The following RAD17 variants were observed in gnomAD, a reference collection of about 807,000 sequenced individuals.
The protein encoded by RAD17 is RAD17 checkpoint clamp loader component, also known as cell cycle checkpoint protein RAD17.
RAD17 carries 31 observed loss-of-function variants against 81.5 expected under a neutral mutation model. That is an observed-to-expected ratio of 0.38 (90% confidence interval 0.29 to 0.51). The LOEUF (loss-of-function observed/expected upper bound fraction) is 0.51. RAD17 is among the 20% of genes least tolerant of loss of function. The pLI is 0.88. For synonymous variants in RAD17, 261 were observed against 266.2 expected (o/e 0.98, Z 0.19); for missense variants, 681 against 781.2 (o/e 0.87, Z 1.53).
intron 6 of RAD17, among the ~76,000 whole-genome samples, chr5:69,377,439 GTATATATATA>G (rs373632198): frequency 2.3e-4 from 13 of 55,502 alleles, no homozygotes; most frequent in African/African-American, 8.8e-4. Flanking sequence ...GTGTGTGTGT[GTATATATATA>G]TATATATATA....
chr5:69,377,170 C>G (rs1763386669), intron 6 of RAD17, among the ~76,000 whole-genome samples: 2 of 151,932 alleles, frequency 1.3e-5, no homozygotes, highest in South Asian at 4.1e-4. Context: ...TGGTATTCCT[C>G]TGATGTTTCA....
In RAD17 at chr5:69,377,724, T is replaced by TGAAA. The variant is rs1286468949; in HGVS notation, c.351+3013_351+3014insGAAA. 4.7e-3 allele frequency among the ~76,000 whole-genome samples: 167 copies of TGAAA among 35,388 alleles called. 29 individuals are homozygous for TGAAA. The highest frequency in any genetic ancestry group is 7.8e-3 in the Non-Finnish European group (131 of 16,726). 23.2% of individuals were successfully genotyped at this position (35,388 alleles called of 152,430 possible). ...ATATATATGTATTGGGAAAAGTATT[T>TGAAA]TCTTTATGGTTTCAAAAGTTTTCCC... On this transcript the variant is annotated intron_variant, in intron 6 of 18. Transcript: ENST00000354868.
intron 7 of RAD17, among the ~76,000 whole-genome samples, chr5:69,382,959 T>C (rs4976197): frequency 0.058 from 8,803 of 152,114 alleles, 378 homozygotes; most frequent in South Asian, 0.15. Context: ...AGTTTTTGTA[T>C]TTTTAGTAGA....
chr5:69,374,604 T>A, intron 5 of RAD17, 24 bp from the exon 6 acceptor site: 1 of 1,585,162 alleles, frequency 6.3e-7, no homozygotes, highest in Non-Finnish European at 8.6e-7. Flanking sequence ...AAGTTTTGTT[T>A]TAAATTTGAA....
At chr5:69,391,654 C>A (rs1764562550) in intron 12 of RAD17, among the ~76,000 whole-genome samples, 177 bp from the exon 13 acceptor site, 1 of 152,138 alleles carries the variant, frequency 6.6e-6, no homozygotes, top group African/African-American at 2.4e-5. Context: ...TACTTTATTC[C>A]ATTTTAATGT....
rs183099011 is a variant in RAD17, at chr5:69,400,505, C to T, written c.1693+336C>T. ...TGCTGGGATTACAGGTGTGAGCCAC[C>T]GCACACGGCCAGAAGTAGGGTTTTA... On this transcript the variant is annotated intron_variant, in intron 17 of 18. Coordinates refer to ENST00000354868, the MANE Select transcript of RAD17 (RefSeq NM_133338.3). Among the ~76,000 whole-genome samples, 9 of 152,120 alleles carry T rather than the reference C, an allele frequency of 5.9e-5. 1 individual carries two copies. Among genetic ancestry groups the T allele is most frequent in the Admixed American group, 2.6e-4 (4 of 15,254 alleles).
chr5:69,380,136 C>T (rs1236942157), intron 6 of RAD17, among the ~76,000 whole-genome samples: 1 of 152,074 alleles, frequency 6.6e-6, no homozygotes, highest in African/African-American at 2.4e-5. Context: ...CTGCTTCGGC[C>T]TCCCAAAGTG....
In RAD17 at chr5:69,369,947, G is replaced by GC. The variant is rs1762825338; in HGVS notation, c.-417+14_-417+15insC. Reference sequence around the variant, plus strand: ...AGCTCCGGGAAAGTAAGGCCGCCGCGGTTGCGGCTATATTATGTATATGTC... The same window carrying GC: ...AGCTCCGGGAAAGTAAGGCCGCCGCGCGTTGCGGCTATATTATGTATATGTC... On this transcript the variant is annotated intron_variant, in intron 1 of 18. Coordinates refer to ENST00000354868, the MANE Select transcript of RAD17 (RefSeq NM_133338.3). 1.8e-6 allele frequency: 1 copy of GC among 563,166 alleles called. No homozygotes were observed. Among genetic ancestry groups the GC allele is most frequent in the Non-Finnish European group, 3.1e-6 (1 of 318,420 alleles). 34.9% of individuals were successfully genotyped at this position (563,166 alleles called of 1,614,324 possible).
At chr5:69,401,260 A>G (rs1052168402) in intron 17 of RAD17, among the ~76,000 whole-genome samples, 13 of 152,196 alleles carry the variant, frequency 8.5e-5, no homozygotes, top group Middle Eastern at 3.2e-3. Context: ...CCCTACAACC[A>G]CAGGTTGCTT....
At chr5:69,399,040 G>A (rs1765083687) in intron 16 of RAD17, among the ~76,000 whole-genome samples, 1 of 151,972 alleles carries the variant, frequency 6.6e-6, no homozygotes, top group Admixed American at 6.6e-5. Flanking sequence ...AATTAGCTGG[G>A]TGTGGTGGCA....
intron 16 of RAD17, among the ~76,000 whole-genome samples, chr5:69,398,186 A>G (rs1765021525): frequency 6.6e-6 from 1 of 152,198 alleles, no homozygotes; most frequent in Non-Finnish European, 1.5e-5. Context: ...AAATATATGT[A>G]TGTAAGGTAA....
At chr5:69,395,371 G>A (rs1339522930) in intron 15 of RAD17, among the ~76,000 whole-genome samples, 2 of 152,090 alleles carry the variant, frequency 1.3e-5, no homozygotes, top group African/African-American at 2.4e-5. Context: ...AATTAGCTGG[G>A]TATGGTGGCA....
intron 17 of RAD17, among the ~76,000 whole-genome samples, chr5:69,401,073 G>T (rs1278588503): frequency 6.6e-6 from 1 of 152,096 alleles, no homozygotes; most frequent in East Asian, 1.9e-4. Flanking sequence ...AGCCAGGCGT[G>T]GTGGCACGCG....
At chr5:69,400,679 A>G (rs992323839) in intron 17 of RAD17, among the ~76,000 whole-genome samples, 2 of 151,782 alleles carry the variant, frequency 1.3e-5, no homozygotes, top group South Asian at 2.1e-4. Context: ...CATGCCTGTA[A>G]TCTCAGCACT....
At chr5:69,400,764 T>A (rs919283363) in intron 17 of RAD17, among the ~76,000 whole-genome samples, 2 of 151,820 alleles carry the variant, frequency 1.3e-5, no homozygotes, top group Non-Finnish European at 2.9e-5. Context: ...TGAAACCCTG[T>A]CTCTACTAAA....
intron 12 of RAD17, 34 bp downstream of exon 12, chr5:69,389,179 A>G (rs1348114060): frequency 4.6e-6 from 6 of 1,296,894 alleles, no homozygotes; most frequent in African/African-American, 4.5e-5. Context: ...GTGGCATTAT[A>G]TAGGTGACTG....
chr5:69,386,014 T>C (rs780976104), intron 8 of RAD17, 29 bp from the exon 9 acceptor site: 5 of 1,500,864 alleles, frequency 3.3e-6, no homozygotes, highest in Non-Finnish European at 4.4e-6. Context: ...AATAAAACTA[T>C]ACTATTATTT....
At chr5:69,403,872 G>C (rs567886887) in intron 17 of RAD17, among the ~76,000 whole-genome samples, 1 of 152,278 alleles carries the variant, frequency 6.6e-6, no homozygotes, top group African/African-American at 2.4e-5. Flanking sequence ...AGTGAGCTGT[G>C]ATCACCCCAC....
chr5:69,369,657 C>T, upstream of RAD17: 1 of 1,559,750 alleles, frequency 6.4e-7, no homozygotes, highest in Non-Finnish European at 8.7e-7. Context: ...CACTGGTTAC[C>T]TGGCTTTCGA....
Sources: gnomAD v4.1 joint callset for allele counts (sites outside exome capture counted in the v4.1 genomes callset) on GRCh38, gnomAD v4.1.1 for gene constraint, MANE v1.5 for transcripts, NCBI Gene and HGNC (gene_info 2026-07-23, HGNC 2026-07-21) for gene names.